GABRA4: variants seen among roughly 807,000 people sequenced by gnomAD.
GABRA4 encodes the protein gamma-aminobutyric acid receptor subunit alpha-4.
GABRA4 carries 12 observed loss-of-function variants against 49.7 expected under a neutral mutation model. The observed-to-expected ratio is 0.24, with a 90% CI of 0.15 to 0.39. The LOEUF (loss-of-function observed/expected upper bound fraction) is 0.39. Among genes scored for constraint, GABRA4 ranks in the 10% least tolerant of loss-of-function variants. The probability of loss-of-function intolerance (pLI) is 1.00; values close to 1 mark genes in which losing one functional copy is unlikely to be tolerated. For synonymous variants in GABRA4, 288 were observed against 240.2 expected, an observed-to-expected ratio of 1.20 and a Z score of -1.84; for missense variants, 506 against 686.0, an observed-to-expected ratio of 0.74 and a Z score of 2.93.
chr4:46,948,912 T>C (rs1348803405), intron 8 of GABRA4, among the ~76,000 whole-genome samples: 2 of 152,096 alleles, frequency 1.3e-5, no homozygotes, highest in Non-Finnish European at 2.9e-5. Flanking sequence ...CAGCCCCAAA[T>C]TTTACTCCTT....
At position 46,924,143 on chromosome 4, in the gene GABRA4, T is replaced by C. The variant is rs1047808416; in HGVS notation, c.*4082A>G. 6.6e-6 allele frequency: 1 copy of C among 152,150 alleles called. No individual in the cohort carries two copies. The highest frequency in any genetic ancestry group is 2.4e-5 in the African/African-American group (1 of 41,444). The allele number at this position is 152,150 out of a possible 1,614,324, so 9.4% of individuals were successfully genotyped here. A position where few individuals can be genotyped will look rare whatever the true frequency, so the allele number is the denominator to read the frequency against. On this transcript the variant is annotated 3_prime_UTR_variant, in exon 9 of 9. Transcript: ENST00000264318. ...GTAATTAAGTTATGTGGATCTTTTA[T>C]CCACCTCTATCTAGATCAGTGCTAT...
At chr4:46,965,817 T>C (rs934819763) in intron 7 of GABRA4, among the ~76,000 whole-genome samples, 6 of 151,828 alleles carry the variant, frequency 4.0e-5, no homozygotes, top group African/African-American at 1.4e-4. Flanking sequence ...TGAATTAAAA[T>C]ACTAAATTTA....
At chr4:46,962,579 A>G (rs1722616225) in intron 8 of GABRA4, among the ~76,000 whole-genome samples, 2 of 151,882 alleles carry the variant, frequency 1.3e-5, no homozygotes, top group Non-Finnish European at 2.9e-5. Flanking sequence ...AATACCAAAG[A>G]TATTCTTCAC....
rs112508830 is a variant in GABRA4, at chr4:46,969,259, TA to T, written c.874+1823del. The stretch of plus-strand genomic sequence containing the variant: ...GTTCTACACACTCTTTAGGATCATT[TA>T]AAAAAATGTATACATGAGTTTTTTT... On this transcript the variant is annotated intron_variant, in intron 7 of 8. Coordinates refer to ENST00000264318, the MANE Select transcript of GABRA4 (RefSeq NM_000809.4). Among the ~76,000 whole-genome samples the T allele has an allele frequency of 4.5e-4, 69 of 151,690 alleles. 1 individual carries two copies. The highest frequency in any genetic ancestry group is 1.5e-3 in the African/African-American group (63 of 41,500).
At position 46,950,733 on chromosome 4, in the gene GABRA4, A is replaced by T. The variant is rs1418417684; in HGVS notation, c.1134+14237T>A. Among the ~76,000 whole-genome samples the T allele has an allele frequency of 4.6e-5, 6 of 129,796 alleles. No homozygotes were observed. The South Asian group carries it at 1.5e-3, about 33-fold the overall frequency. 85.2% of individuals were successfully genotyped at this position (129,796 alleles called of 152,430 possible). A position where few individuals can be genotyped will look rare whatever the true frequency, so the allele number is the denominator to read the frequency against. ...TCTCTAAGAAAATAAATAAATAAAT[A>T]AATAAATAAATAAATTACTATATGC... On this transcript the variant is annotated intron_variant, in intron 8 of 8. Coordinates refer to ENST00000264318, the MANE Select transcript of GABRA4 (RefSeq NM_000809.4).
At chr4:46,961,120 C>T (rs1489382477) in intron 8 of GABRA4, among the ~76,000 whole-genome samples, 4 of 151,798 alleles carry the variant, frequency 2.6e-5, no homozygotes, top group African/African-American at 7.3e-5. Flanking sequence ...TTTTCAAAAT[C>T]GTGATGAAAT....
chr4:46,960,740 T>C, intron 8 of GABRA4, among the ~76,000 whole-genome samples: 1 of 151,640 alleles, frequency 6.6e-6, no homozygotes. Context: ...AAGGAAATCT[T>C]ATTGCAATAA....
At position 46,928,425 on chromosome 4, in the gene GABRA4, T is replaced by C. The variant is rs148834435; in HGVS notation, c.1465A>G (p.Thr489Ala). The change falls in exon 9 of 9, where the codon ACA (threonine) becomes GCA (alanine). Residue 489 changes from threonine (T) to alanine (A), a missense_variant. Physicochemically the swap from Thr to Ala is moderately conservative, Grantham distance 58. Transcript: ENST00000264318. ...CCAGTAGCCCCTATGGTATTAACTG[T>C]GGTCTTTATCCTCTGCAGTCTTGAT... ...FGSRLQRIKT[T>A]VNTIGATGKL... 2 of 1,613,584 alleles carry C rather than the reference T, an allele frequency of 1.2e-6. No homozygotes were observed. The highest frequency in any genetic ancestry group is 2.7e-5 in the African/African-American group (2 of 74,904).
At position 46,922,845 on chromosome 4, in the gene GABRA4, T is replaced by A. The variant is rs558607951; in HGVS notation, c.*5380A>T. 6.6e-6 allele frequency: 1 copy of A among 152,260 alleles called. No individual in the cohort carries two copies. Among genetic ancestry groups the A allele is most frequent in the African/African-American group, 2.4e-5 (1 of 41,566 alleles). The allele number at this position is 152,260 out of a possible 1,614,324, so 9.4% of individuals were successfully genotyped here. A position where few individuals can be genotyped will look rare whatever the true frequency, so the allele number is the denominator to read the frequency against. ...TAGTTACAAAGAATACTGTAAATAG[T>A]TACAGAGCAGTGGTCCCCAACCCCT... On this transcript the variant is annotated 3_prime_UTR_variant, in exon 9 of 9. Transcript: ENST00000264318.
intron 2 of GABRA4, among the ~76,000 whole-genome samples, chr4:46,980,011 T>G (rs1433281330): frequency 6.6e-6 from 1 of 152,080 alleles, no homozygotes; most frequent in Non-Finnish European, 1.5e-5. Flanking sequence ...AAGCTTAAAA[T>G]CAGAAAGTTT....
chr4:46,982,217 C>A (rs1444382952), intron 2 of GABRA4, among the ~76,000 whole-genome samples: 1 of 152,054 alleles, frequency 6.6e-6, no homozygotes, highest in East Asian at 1.9e-4. Flanking sequence ...AAACTGTATT[C>A]CCTCCAAATT....
intron 2 of GABRA4, among the ~76,000 whole-genome samples, chr4:46,982,380 GACACAC>G (rs143405262): frequency 6.6e-6 from 1 of 150,498 alleles, no homozygotes; most frequent in Non-Finnish European, 1.5e-5. Flanking sequence ...TTAGGACACA[GACACAC>G]ACACACACAC....
Position 46,927,765 on chromosome 4 carries a change from C to G in GABRA4, c.*460G>C, listed in dbSNP as rs1426828548. 1 of 154,784 alleles carries G rather than the reference C, an allele frequency of 6.5e-6. No homozygotes were observed. Among genetic ancestry groups the G allele is most frequent in the Non-Finnish European group, 1.4e-5 (1 of 69,948 alleles). 9.6% of individuals were successfully genotyped at this position (154,784 alleles called of 1,614,324 possible). On this transcript the variant is annotated 3_prime_UTR_variant, in exon 9 of 9. Coordinates refer to ENST00000264318, the MANE Select transcript of GABRA4 (RefSeq NM_000809.4). ...CAATGTTTAATTTAACAGGAAAATTCCTTTTCTTGAAGTTCCTAAGAAGAT... is the reference window on the plus strand; with the variant it reads ...CAATGTTTAATTTAACAGGAAAATTGCTTTTCTTGAAGTTCCTAAGAAGAT...
chr4:46,948,334 C>T (rs771688440), intron 8 of GABRA4, among the ~76,000 whole-genome samples: 2 of 152,064 alleles, frequency 1.3e-5, no homozygotes, highest in Non-Finnish European at 2.9e-5. Flanking sequence ...GATCCTCTGC[C>T]AGAAAAGAGG....
At chr4:46,970,997 G>C (rs946030512) in intron 7 of GABRA4, 86 bp downstream of exon 7, 8 of 1,254,078 alleles carry the variant, frequency 6.4e-6, no homozygotes, top group Non-Finnish European at 9.0e-6. Context: ...GATGTATTAG[G>C]GTTTAAGATT....
At chr4:46,953,926 T>C (rs1369628555) in intron 8 of GABRA4, among the ~76,000 whole-genome samples, 1 of 152,116 alleles carries the variant, frequency 6.6e-6, no homozygotes, top group Non-Finnish European at 1.5e-5. Flanking sequence ...ACCTACACTT[T>C]GGATCTAGAC....
In GABRA4 at chr4:46,935,783, G is replaced by A. The variant is rs563587893; in HGVS notation, c.1135-7028C>T. Among the ~76,000 whole-genome samples the A allele has an allele frequency of 2.0e-4, 30 of 152,184 alleles. 1 individual carries two copies. The highest frequency in any genetic ancestry group is 6.5e-4 in the African/African-American group (27 of 41,532). Reference sequence around the variant, plus strand: ...GTATACCTATGTAACAAACCTGCACGTTCTGCACATGCATCCCAGAACTTA... The same window carrying A: ...GTATACCTATGTAACAAACCTGCACATTCTGCACATGCATCCCAGAACTTA... On this transcript the variant is annotated intron_variant, in intron 8 of 8. Transcript: ENST00000264318.
chr4:46,983,103 A>G (rs1723414881), intron 2 of GABRA4, among the ~76,000 whole-genome samples: 1 of 152,078 alleles, frequency 6.6e-6, no homozygotes, highest in African/African-American at 2.4e-5. Flanking sequence ...AACTGAGTTC[A>G]CAGAGATTAA....
rs149744260 is a variant in GABRA4 at position 46,976,774 on chromosome 4, T to G, written c.577+287A>C. ...TACTTTCTGTGTAACACTACCAACA[T>G]GTAGAGTTCAGAGGTCCCTAAATTT... On this transcript the variant is annotated intron_variant, in intron 5 of 8. Coordinates refer to ENST00000264318, the MANE Select transcript of GABRA4 (RefSeq NM_000809.4). Among the ~76,000 whole-genome samples the G allele has an allele frequency of 2.1e-3, 318 of 151,988 alleles. 1 individual carries two copies. In the East Asian group the frequency reaches 0.024, roughly 12 times the overall value.
Sources: gnomAD v4.1 joint callset for allele counts (sites outside exome capture counted in the v4.1 genomes callset) on GRCh38, gnomAD v4.1.1 for gene constraint, MANE v1.5 for transcripts, NCBI Gene and HGNC (gene_info 2026-07-23, HGNC 2026-07-21) for gene names.